DMXL2: variants seen among roughly 807,000 people sequenced by gnomAD.
DMXL2 encodes the protein Dmx like 2.
Under a neutral mutation model 331.1 loss-of-function variants are expected in DMXL2, and 103 were observed. The ratio of observed to expected loss-of-function variants is 0.31; its 90% CI spans 0.27 to 0.37. The LOEUF is 0.37. DMXL2 is among the 10% of genes least tolerant of loss of function. The pLI, the probability that DMXL2 is intolerant of heterozygous loss-of-function variation, is 1.00. For synonymous variants in DMXL2, 1,281 were observed against 1,252.1 expected (o/e 1.02, Z -0.49); for missense variants, 3,171 against 3,642.9 (o/e 0.87, Z 3.33).
At chr15:51,587,251 T>C (rs1461189613) in intron 1 of DMXL2, among the ~76,000 whole-genome samples, 3 of 152,224 alleles carry the variant, frequency 2.0e-5, no homozygotes, top group African/African-American at 7.2e-5. Flanking sequence ...ATGTGCCATG[T>C]TGGTGTGCTG....
intron 1 of DMXL2, among the ~76,000 whole-genome samples, chr15:51,610,312 A>G (rs2053874206): frequency 1.3e-5 from 2 of 152,234 alleles, no homozygotes; most frequent in African/African-American, 2.4e-5. Flanking sequence ...ATAAATGCAT[A>G]TTTATAGTAG....
intron 1 of DMXL2, among the ~76,000 whole-genome samples, chr15:51,586,446 T>C (rs1213273071): frequency 6.6e-6 from 1 of 152,176 alleles, no homozygotes; most frequent in African/African-American, 2.4e-5. Flanking sequence ...TAAGCGTTTA[T>C]GAGTAAGTGG....
intron 39 of DMXL2, 147 bp downstream of exon 39, chr15:51,455,916 AAAG>A: frequency 1.2e-6 from 1 of 864,038 alleles, no homozygotes; most frequent in Non-Finnish European, 1.8e-6. Context: ...TATTGGAAGA[AAAG>A]AGAGTGTATG....
rs980550614 is a variant in DMXL2 at position 51,556,275 on chromosome 15, A to G, written c.567+7106T>C. On this transcript the variant is annotated intron_variant, in intron 6 of 43. Transcript: ENST00000560891. The stretch of plus-strand genomic sequence containing the variant: ...GGAGAATGGCGTGAACCCAGGAGGC[A>G]GAGCTTGCAGTGAGCCGAGATCGCG... 3.3e-5 allele frequency among the ~76,000 whole-genome samples: 5 copies of G among 149,666 alleles called. No individual in the cohort carries two copies. In the East Asian group the frequency reaches 6.0e-4, roughly 18 times the overall value.
intron 29 of DMXL2, among the ~76,000 whole-genome samples, 161 bp downstream of exon 29, chr15:51,471,062 T>C (rs549054163): frequency 2.7e-4 from 41 of 152,320 alleles, no homozygotes; most frequent in African/African-American, 9.6e-4. Flanking sequence ...CATCCTCGAA[T>C]TTACTATGAC....
chr15:51,590,868 G>C (rs1048211412), intron 1 of DMXL2, among the ~76,000 whole-genome samples: 3 of 152,160 alleles, frequency 2.0e-5, no homozygotes, highest in African/African-American at 7.2e-5. Flanking sequence ...AGGAGAGAGA[G>C]AGAAGTGGAC....
chr15:51,535,756 G>A lies in DMXL2; in HGVS notation c.2343C>T (p.Cys781=). The change falls in exon 13 of 44, where the codon TGC becomes TGT. Residue 781 remains cysteine (C), a synonymous_variant. Transcript: ENST00000560891. The part of the protein sequence containing the change: ...LGTYCNSASA[C]FVASDGKNLR... ...GATTTTTGCCATCAGAAGCAACAAA[G>A]CAAGCACTTGCAGAATTGCAGTATG... 3 of 1,610,128 alleles carry A rather than the reference G, an allele frequency of 1.9e-6. No individual in the cohort carries two copies. Among genetic ancestry groups the A allele is most frequent in the Non-Finnish European group, 2.5e-6 (3 of 1,178,022 alleles).
chr15:51,536,946 C>T (rs2048322516), intron 11 of DMXL2, 84 bp from the exon 12 acceptor site: 1 of 1,177,898 alleles, frequency 8.5e-7, no homozygotes. Context: ...TACCAAATCT[C>T]AGCTTCTTAT....
At chr15:51,479,410 T>C (rs1415899224) in intron 25 of DMXL2, among the ~76,000 whole-genome samples, 1 of 152,228 alleles carries the variant, frequency 6.6e-6, no homozygotes, top group African/African-American at 2.4e-5. Flanking sequence ...CTAGTGTTTC[T>C]TGGACTGTAT....
chr15:51,582,633 C>T (rs1346456153), intron 1 of DMXL2, among the ~76,000 whole-genome samples: 1 of 152,132 alleles, frequency 6.6e-6, no homozygotes, highest in Non-Finnish European at 1.5e-5. Context: ...AAAACCCTAG[C>T]TCTTTATGAT....
intron 3 of DMXL2, chr15:51,567,826 A>G (rs2050391901): frequency 1.3e-5 from 2 of 152,698 alleles, no homozygotes; most frequent in South Asian, 2.1e-4. Flanking sequence ...GCTCATGCCC[A>G]TAATTCCAGC....
chr15:51,471,366 G>A lies in DMXL2; in HGVS notation c.7249C>T (p.Arg2417Cys), dbSNP rs1384516110. Residue 2417 changes from arginine (R) to cysteine (C), a missense_variant, in exon 29 of 44, where the codon CGT becomes TGT. By Grantham distance (180) the Arg-to-Cys change is radical. Around this residue, in one of 7 missense-constraint regions of DMXL2, gnomAD observed 766 missense variants for 940.5 expected, o/e 0.81. Transcript: ENST00000560891. ...PVLSEDIDKH[R>C]RRFNMRMLVP... ...AGCATTCTCATGTTAAATCTCCTAC[G>A]GTGTTTATCTATGTCTTCAGAAAGG... is the stretch of plus-strand genomic sequence containing the variant. 3.7e-6 allele frequency: 6 copies of A among 1,612,988 alleles called. No individual in the cohort carries two copies. Among genetic ancestry groups the A allele is most frequent in the Non-Finnish European group, 5.1e-6 (6 of 1,179,480 alleles).
At chr15:51,527,485 T>G (rs1448411410) in intron 13 of DMXL2, among the ~76,000 whole-genome samples, 1 of 152,060 alleles carries the variant, frequency 6.6e-6, no homozygotes, top group Non-Finnish European at 1.5e-5. Context: ...TCCTAGCACT[T>G]TGGGAGGCCG....
intron 37 of DMXL2, among the ~76,000 whole-genome samples, chr15:51,456,743 A>C (rs762573330): frequency 6.6e-6 from 1 of 152,244 alleles, no homozygotes; most frequent in Non-Finnish European, 1.5e-5. Context: ...AGCACTTAGA[A>C]GTAGACATGA....
At chr15:51,523,764 C>T (rs984633495) in intron 13 of DMXL2, among the ~76,000 whole-genome samples, 7 of 152,182 alleles carry the variant, frequency 4.6e-5, no homozygotes, top group African/African-American at 1.7e-4. Context: ...AAGAGCATGG[C>T]CTTGCCAACA....
chr15:51,552,004 C>T (rs913279820), intron 6 of DMXL2, among the ~76,000 whole-genome samples: 7 of 152,096 alleles, frequency 4.6e-5, no homozygotes, highest in Non-Finnish European at 8.8e-5. Flanking sequence ...ACATAAAAGA[C>T]GACCAGGTAA....
intron 13 of DMXL2, among the ~76,000 whole-genome samples, chr15:51,526,800 G>A (rs2047700374): frequency 6.6e-6 from 1 of 152,160 alleles, no homozygotes; most frequent in Admixed American, 6.5e-5. Context: ...CAGAATTGAT[G>A]AAGCAGAAGA....
At chr15:51,591,561 T>C (rs539937466) in intron 1 of DMXL2, among the ~76,000 whole-genome samples, 5 of 152,340 alleles carry the variant, frequency 3.3e-5, no homozygotes, top group African/African-American at 1.2e-4. Context: ...AATGTCCGTC[T>C]GACAGCCTTG....
intron 1 of DMXL2, among the ~76,000 whole-genome samples, chr15:51,607,027 G>A (rs2053634522): frequency 6.6e-6 from 1 of 152,118 alleles, no homozygotes; most frequent in Non-Finnish European, 1.5e-5. Context: ...GCATGGTGAT[G>A]GATGCCTGTA....
Sources: allele counts gnomAD v4.1 joint callset (sites outside exome capture counted in the v4.1 genomes callset), GRCh38; gene constraint gnomAD v4.1.1; regional missense constraint gnomAD v4.1.1; transcripts MANE v1.5; gene names NCBI Gene and HGNC (gene_info 2026-07-23, HGNC 2026-07-21).